APPBP2: variants seen among roughly 807,000 people sequenced by gnomAD.
APPBP2 encodes the protein amyloid protein-binding protein 2.
In APPBP2, 15 loss-of-function variants were observed where a neutral mutation model predicts 76.0. That is an observed-to-expected ratio of 0.20 (90% CI 0.13 to 0.30). The LOEUF is 0.30. Among genes scored for constraint, APPBP2 ranks in the 10% least tolerant of loss-of-function variants. The pLI is 1.00. For synonymous variants in APPBP2, 222 were observed against 242.2 expected (o/e 0.92, Z 0.77); for missense variants, 401 against 687.2 (o/e 0.58, Z 4.66).
intron 1 of APPBP2, among the ~76,000 whole-genome samples, chr17:60,505,753 T>C (rs1268111131): frequency 7.6e-6 from 1 of 132,016 alleles, no homozygotes; most frequent in Admixed American, 8.2e-5. Context: ...GTGGTGCCAC[T>C]TGGGATCACT....
intron 9 of APPBP2, among the ~76,000 whole-genome samples, chr17:60,457,525 C>T (rs1190591168): frequency 2.0e-5 from 3 of 152,082 alleles, no homozygotes; most frequent in Admixed American, 1.3e-4. Flanking sequence ...CTCCTGGGCT[C>T]GGGTGATCCT....
intron 1 of APPBP2, among the ~76,000 whole-genome samples, chr17:60,504,796 T>C (rs1196900765): frequency 6.6e-6 from 1 of 152,098 alleles, no homozygotes; most frequent in Non-Finnish European, 1.5e-5. Context: ...CTGAGACTCT[T>C]GTCTCAAAAA....
At chr17:60,492,842 T>G (rs190356371) in intron 3 of APPBP2, among the ~76,000 whole-genome samples, 40 of 152,332 alleles carry the variant, frequency 2.6e-4, no homozygotes, top group African/African-American at 7.7e-4. Flanking sequence ...TTTGGAGGAC[T>G]GTTGCGAAGG....
chr17:60,526,224 G>A lies in APPBP2; in HGVS notation c.-293C>T. 5.8e-6 allele frequency: 2 copies of A among 341,912 alleles called. No individual in the cohort carries two copies. Among genetic ancestry groups the A allele is most frequent in the Non-Finnish European group, 5.5e-6 (1 of 181,166 alleles). 21.2% of individuals were successfully genotyped at this position (341,912 alleles called of 1,614,324 possible). On this transcript the variant is annotated 5_prime_UTR_variant, in exon 1 of 13. Transcript: ENST00000083182. ...TTCCGTCCCAGCGCTGATCTCTGCA[G>A]GGGCGGGGCTGCGTGTGCGGCGTCA...
intron 2 of APPBP2, among the ~76,000 whole-genome samples, chr17:60,496,856 G>A (rs890987199): frequency 3.3e-5 from 5 of 152,118 alleles, no homozygotes; most frequent in Non-Finnish European, 5.9e-5. Flanking sequence ...GAGTAGCTGG[G>A]ATTACAGGCA....
At chr17:60,457,417 T>G (rs945558897) in intron 9 of APPBP2, among the ~76,000 whole-genome samples, 44 of 151,922 alleles carry the variant, frequency 2.9e-4, no homozygotes, top group African/African-American at 1.1e-3. Context: ...AGGTTTTTTT[T>G]GTTTTGTTTT....
At chr17:60,448,147 A>G (rs769407675) in intron 12 of APPBP2, among the ~76,000 whole-genome samples, 7 of 152,230 alleles carry the variant, frequency 4.6e-5, no homozygotes, top group Non-Finnish European at 8.8e-5. Flanking sequence ...ACAACAGAAA[A>G]ATACACATGC....
At chr17:60,458,849 T>C (rs1377602352) in intron 9 of APPBP2, among the ~76,000 whole-genome samples, 1 of 151,740 alleles carries the variant, frequency 6.6e-6, no homozygotes, top group Non-Finnish European at 1.5e-5. Flanking sequence ...CTTGGCTCAC[T>C]GCAACCTCCG....
chr17:60,458,446 C>A (rs7207215), intron 9 of APPBP2, among the ~76,000 whole-genome samples: 11,500 of 149,558 alleles, frequency 0.077, 1,558 homozygotes, highest in African/African-American at 0.27. Context: ...AAAAAAAAAA[C>A]AAAACAAAAA....
At chr17:60,479,032 TATAA>T (rs1480057877) in intron 4 of APPBP2, 112 bp downstream of exon 4, 8 of 1,023,032 alleles carry the variant, frequency 7.8e-6, no homozygotes, top group Non-Finnish European at 1.1e-5. Context: ...AACTATGACA[TATAA>T]ATATCATCTC....
chr17:60,452,823 C>T (rs1598345895), intron 11 of APPBP2, among the ~76,000 whole-genome samples: 2 of 152,102 alleles, frequency 1.3e-5, no homozygotes, highest in East Asian at 3.9e-4. Context: ...TTCCCAGCTA[C>T]TTGGGAAGCT....
At chr17:60,522,189 T>C (rs1363106334) in intron 1 of APPBP2, among the ~76,000 whole-genome samples, 2 of 152,236 alleles carry the variant, frequency 1.3e-5, no homozygotes, top group Middle Eastern at 3.2e-3. Flanking sequence ...CCTTCCCTTC[T>C]CATACACCTC....
intron 3 of APPBP2, among the ~76,000 whole-genome samples, chr17:60,480,230 G>C (rs546872933): frequency 1.3e-5 from 2 of 152,146 alleles, no homozygotes; most frequent in East Asian, 3.9e-4. Context: ...AAAGTAAGCC[G>C]GATGTGGTGG....
intron 5 of APPBP2, among the ~76,000 whole-genome samples, chr17:60,466,081 C>T (rs1016909477): frequency 6.6e-6 from 1 of 152,142 alleles, no homozygotes; most frequent in African/African-American, 2.4e-5. Flanking sequence ...TGATCCTCTA[C>T]CTTGGCCTCC....
intron 1 of APPBP2, among the ~76,000 whole-genome samples, chr17:60,520,555 A>G (rs2091001002): frequency 6.7e-6 from 1 of 149,538 alleles, no homozygotes; most frequent in African/African-American, 2.6e-5. Flanking sequence ...CCCAGGCAAC[A>G]GAACAAGACT....
intron 3 of APPBP2, among the ~76,000 whole-genome samples, chr17:60,490,969 T>G (rs773997056): frequency 6.6e-6 from 1 of 152,038 alleles, no homozygotes; most frequent in South Asian, 2.1e-4. Context: ...AGCATGAAAA[T>G]GAACTAATAA....
chr17:60,466,408 T>C lies in APPBP2; in HGVS notation c.555A>G (p.Thr185=), dbSNP rs182674927. 1.9e-6 allele frequency: 3 copies of C among 1,613,768 alleles called. No individual in the cohort carries two copies. Among genetic ancestry groups the C allele is most frequent in the African/African-American group, 2.7e-5 (2 of 75,052 alleles). Residue 185 remains threonine (T), a synonymous_variant, in exon 5 of 13, where the codon ACA becomes ACG. Coordinates refer to ENST00000083182, the MANE Select transcript of APPBP2 (RefSeq NM_006380.5). ...GNCKYHLGEE[T]FKLAQTYMDK... is the part of the protein sequence containing the mutation. Reference sequence around the variant, plus strand: ...CCATATATGTCTGAGCTAATTTAAATGTTTCTTCACCCAAATGATATTTGC... The same window carrying C: ...CCATATATGTCTGAGCTAATTTAAACGTTTCTTCACCCAAATGATATTTGC...
In APPBP2 at chr17:60,460,998, TTAATAA is replaced by T. The variant is rs142540089; in HGVS notation, c.937-217_937-212del. ...CGAGTTTGACTTAAAAGGCCACGGCTTAATAATAATAATAATAATAATCATTCCTAT... is the reference window on the plus strand; with the variant it reads ...CGAGTTTGACTTAAAAGGCCACGGCTTAATAATAATAATAATCATTCCTAT... On this transcript the variant is annotated intron_variant, in intron 8 of 12. Transcript: ENST00000083182. 2,478 of 282,546 alleles carry T rather than the reference TTAATAA, an allele frequency of 8.8e-3. 54 individuals carry two copies. Among genetic ancestry groups the T allele is most frequent in the African/African-American group, 0.049 (2,233 of 45,830 alleles). 17.5% of individuals were successfully genotyped at this position (282,546 alleles called of 1,614,324 possible).
At chr17:60,481,307 T>G (rs1341468187) in intron 3 of APPBP2, among the ~76,000 whole-genome samples, 1 of 152,206 alleles carries the variant, frequency 6.6e-6, no homozygotes. Flanking sequence ...CGATTTGTAT[T>G]AGGCCAGGTA....
Sources: gnomAD v4.1 joint callset for allele counts (sites outside exome capture counted in the v4.1 genomes callset) on GRCh38, gnomAD v4.1.1 for gene constraint, MANE v1.5 for transcripts, NCBI Gene and HGNC (gene_info 2026-07-23, HGNC 2026-07-21) for gene names.